ABLIM3: variants seen among roughly 807,000 people sequenced by gnomAD.
ABLIM3 encodes actin binding LIM protein family member 3.
A neutral mutation model predicts 109.5 loss-of-function variants in ABLIM3; 61 were observed. The ratio of observed to expected loss-of-function variants is 0.56; its 90% CI spans 0.45 to 0.69. The LOEUF (loss-of-function observed/expected upper bound fraction) is 0.69, where lower values mean the gene tolerates loss of function less well. ABLIM3 is among the 30% of genes least tolerant of loss of function. ABLIM3 has a pLI of 0.00. For missense variants in ABLIM3, 796 were observed against 889.5 expected (o/e 0.89, Z 1.34); for synonymous variants, 300 against 324.8 (o/e 0.92, Z 0.82).
intron 23 of ABLIM3, among the ~76,000 whole-genome samples, chr5:149,255,581 C>T (rs1754355415): frequency 1.3e-5 from 2 of 152,140 alleles, no homozygotes; most frequent in Admixed American, 6.5e-5. Flanking sequence ...TCATTGGATG[C>T]ATGACATGTA....
intron 14 of ABLIM3, among the ~76,000 whole-genome samples, chr5:149,241,489 G>C (rs977393204): frequency 1.3e-5 from 2 of 152,176 alleles, no homozygotes; most frequent in African/African-American, 4.8e-5. Context: ...GGCCTGGCGT[G>C]GTCGCTCACG....
intron 3 of ABLIM3, among the ~76,000 whole-genome samples, chr5:149,191,756 T>C (rs765133975): frequency 2.0e-5 from 3 of 152,266 alleles, no homozygotes; most frequent in Non-Finnish European, 4.4e-5. Flanking sequence ...AACTGGTTAA[T>C]GTATTTTGCT....
intron 6 of ABLIM3, among the ~76,000 whole-genome samples, chr5:149,208,350 GTCTC>G (rs10564662): frequency 0.037 from 4,894 of 131,720 alleles, 69 homozygotes; most frequent in Middle Eastern, 0.056. Flanking sequence ...CTATCTTTTT[GTCTC>G]TCTCTCTCTC....
intron 10 of ABLIM3, among the ~76,000 whole-genome samples, chr5:149,236,691 G>A (rs2918262): frequency 0.029 from 4,465 of 152,196 alleles, 99 homozygotes; most frequent in African/African-American, 0.063. Flanking sequence ...GCCTTCTGAC[G>A]GTGTAAGACA....
At chr5:149,196,952 C>T (rs1424452770) in intron 3 of ABLIM3, among the ~76,000 whole-genome samples, 1 of 152,126 alleles carries the variant, frequency 6.6e-6, no homozygotes, top group Admixed American at 6.5e-5. Context: ...TCCCTATTAT[C>T]CAAAAGAATA....
chr5:149,243,473 C>G (rs1753054150), intron 15 of ABLIM3: 1 of 152,214 alleles, frequency 6.6e-6, no homozygotes, highest in Admixed American at 6.5e-5. Flanking sequence ...ATCGGTGGAG[C>G]TTGGAGATGA....
intron 8 of ABLIM3, among the ~76,000 whole-genome samples, chr5:149,228,264 G>A (rs1311039937): frequency 2.0e-5 from 3 of 152,152 alleles, no homozygotes; most frequent in Non-Finnish European, 4.4e-5. Context: ...TTCCTACAGA[G>A]AGTCATTAAA....
intron 2 of ABLIM3, among the ~76,000 whole-genome samples, chr5:149,169,020 C>G (rs1408533099): frequency 7.2e-6 from 1 of 139,448 alleles, no homozygotes; most frequent in Non-Finnish European, 1.5e-5. Context: ...GAGAAACACT[C>G]ATACAGTAAA....
Position 149,210,904 on chromosome 5 carries a change from C to T in ABLIM3, c.669+85C>T, listed in dbSNP as rs979686836. ...ATCACAGAAGAAGGAGAAAGTCATC[C>T]CATACCTTTTTTTCCATAGCCTTTA... is the stretch of plus-strand genomic sequence containing the variant. On this transcript the variant is annotated intron_variant, in intron 7 of 23. Coordinates refer to ENST00000309868, the MANE Select transcript of ABLIM3 (RefSeq NM_014945.5). The T allele has an allele frequency of 8.5e-6, 11 of 1,291,704 alleles. No homozygotes were observed. In the African/African-American group the frequency reaches 1.6e-4, roughly 19 times the overall value. 80.0% of individuals were successfully genotyped at this position (1,291,704 alleles called of 1,614,324 possible).
At chr5:149,216,799 C>A in intron 7 of ABLIM3, 160 bp from the exon 8 acceptor site, 1 of 618,744 alleles carries the variant, frequency 1.6e-6, no homozygotes. Context: ...CCCGGCTGGT[C>A]TTTTAGATGG....
intron 3 of ABLIM3, among the ~76,000 whole-genome samples, chr5:149,186,012 T>C (rs985572234): frequency 1.3e-5 from 2 of 152,228 alleles, no homozygotes; most frequent in South Asian, 2.1e-4. Context: ...AGGAGACCTA[T>C]GTATAAAGCT....
chr5:149,161,524 G>T (rs956680920), intron 2 of ABLIM3, among the ~76,000 whole-genome samples: 8 of 152,218 alleles, frequency 5.3e-5, no homozygotes, highest in African/African-American at 1.9e-4. Context: ...GTGCCAGTGA[G>T]TTTGGGCCTC....
Position 149,249,720 on chromosome 5 carries a change from G to A in ABLIM3, c.1700-95G>A, listed in dbSNP as rs1015436948. 25 of 1,471,570 alleles carry A rather than the reference G, an allele frequency of 1.7e-5. 1 individual carries two copies. The highest frequency in any genetic ancestry group is 2.3e-5 in the South Asian group (2 of 86,806). The allele number at this position is 1,471,570 out of a possible 1,614,324, so 91.2% of individuals were successfully genotyped here. ...CTTTTCCCAGCCAGCCAGGGGGATCGGGTATGGAAGCCACATCTCTTTGTC... is the reference window on the plus strand; with the variant it reads ...CTTTTCCCAGCCAGCCAGGGGGATCAGGTATGGAAGCCACATCTCTTTGTC... On this transcript the variant is annotated intron_variant, in intron 18 of 23. Transcript: ENST00000309868.
chr5:149,184,064 G>A lies in ABLIM3; in HGVS notation c.151+475G>A, dbSNP rs557960865. 1.1e-4 allele frequency among the ~76,000 whole-genome samples: 16 copies of A among 151,056 alleles called. No individual in the cohort carries two copies. In the South Asian group the frequency reaches 3.1e-3, roughly 30 times the overall value. The stretch of plus-strand genomic sequence containing the variant: ...AAGGGAGAAGAGACATCTTGACCTT[G>A]GTAAGGTTTGCAATTTGGGAGCACA... On this transcript the variant is annotated intron_variant, in intron 3 of 23. Coordinates refer to ENST00000309868, the MANE Select transcript of ABLIM3 (RefSeq NM_014945.5).
At chr5:149,203,368 C>T (rs1758663040) in intron 5 of ABLIM3, among the ~76,000 whole-genome samples, 1 of 151,950 alleles carries the variant, frequency 6.6e-6, no homozygotes, top group Non-Finnish European at 1.5e-5. Flanking sequence ...GTTACTGTTG[C>T]CAGATACTGC....
chr5:149,258,528 G>A lies in ABLIM3; in HGVS notation c.*124G>A, dbSNP rs145362007. On this transcript the variant is annotated 3_prime_UTR_variant, in exon 24 of 24. Transcript: ENST00000309868. Reference sequence around the variant, plus strand: ...TGCCTGCCATGAGACTTGCTTTTCTGTACTGTCAGGCAAGCCCACGTCATC... The same window carrying A: ...TGCCTGCCATGAGACTTGCTTTTCTATACTGTCAGGCAAGCCCACGTCATC... 4.7e-5 allele frequency: 67 copies of A among 1,412,306 alleles called. No individual in the cohort carries two copies. The South Asian group carries it at 1.0e-3, about 22-fold the overall frequency. 87.5% of individuals were successfully genotyped at this position (1,412,306 alleles called of 1,614,324 possible).
chr5:149,207,351 C>A (rs187295099), intron 6 of ABLIM3, among the ~76,000 whole-genome samples: 1 of 152,096 alleles, frequency 6.6e-6, no homozygotes. Flanking sequence ...GTTCCTTGCA[C>A]GCCTGCTGCC....
In ABLIM3 at chr5:149,198,762, C is replaced by A. The variant is rs1398645636; in HGVS notation, c.335+360C>A. Among the ~76,000 whole-genome samples, 1 of 152,150 alleles carries A rather than the reference C, an allele frequency of 6.6e-6. No homozygotes were observed. Among genetic ancestry groups the A allele is most frequent in the Non-Finnish European group, 1.5e-5 (1 of 68,016 alleles). ...TGGATCTGGCCCATCCTCCCACACC[C>A]TCATCCACAGGTGGGACAGGGATGT... On this transcript the variant is annotated intron_variant, in intron 4 of 23. Transcript: ENST00000309868. This position sits in a 1 kb window ranked among gnomAD's most constrained non-coding sequence, Gnocchi z 4.2.
chr5:149,143,065 T>C (rs750166857), intron 2 of ABLIM3, among the ~76,000 whole-genome samples: 8 of 152,136 alleles, frequency 5.3e-5, no homozygotes, highest in Non-Finnish European at 1.2e-4. Flanking sequence ...AGGGGTTGAA[T>C]TAGAAAGCCT....
Sources: gnomAD v4.1 joint callset for allele counts (sites outside exome capture counted in the v4.1 genomes callset) on GRCh38, gnomAD v4.1.1 for gene constraint, Gnocchi (gnomAD v3.1) non-coding constraint, MANE v1.5 for transcripts, NCBI Gene and HGNC (gene_info 2026-07-23, HGNC 2026-07-21) for gene names.